The following CPQ variants were observed in gnomAD, a reference collection of about 807,000 sequenced individuals.
CPQ encodes the protein carboxypeptidase Q.
In CPQ, 37 loss-of-function variants were observed where a neutral mutation model predicts 45.7. That is an observed-to-expected ratio of 0.81 (90% CI 0.62 to 1.07). The LOEUF is 1.07. Among genes scored for constraint, CPQ ranks in the 50% least tolerant of loss-of-function variants. CPQ has a pLI of 0.00. For missense variants in CPQ, 537 were observed against 572.9 expected (o/e 0.94, Z 0.64); for synonymous variants, 186 against 205.8 (o/e 0.90, Z 0.82).
At chr8:96,764,248 T>C (rs562427296) in intron 1 of CPQ, among the ~76,000 whole-genome samples, 5 of 152,182 alleles carry the variant, frequency 3.3e-5, no homozygotes, top group Admixed American at 3.3e-4. Flanking sequence ...AAAATAAATA[T>C]GCTGGATGAT....
At chr8:97,045,441 G>A (rs908854678) in intron 6 of CPQ, among the ~76,000 whole-genome samples, 4 of 152,116 alleles carry the variant, frequency 2.6e-5, no homozygotes, top group African/African-American at 4.8e-5. Context: ...TGTGCTTCCC[G>A]AGTGAGGCAA....
At chr8:96,755,673 TTTTA>T (rs1211101278) in intron 1 of CPQ, among the ~76,000 whole-genome samples, 3 of 151,918 alleles carry the variant, frequency 2.0e-5, no homozygotes, top group African/African-American at 7.2e-5. Context: ...TCAAAATAAT[TTTTA>T]TTTATTGTGG....
chr8:96,908,999 A>G (rs891489908), intron 4 of CPQ, among the ~76,000 whole-genome samples: 2 of 152,134 alleles, frequency 1.3e-5, no homozygotes, highest in Admixed American at 6.6e-5. Flanking sequence ...TCAGTGTTCC[A>G]TCTTGGATTT....
At chr8:97,142,906 T>C in intron 7 of CPQ, 114 bp from the exon 8 acceptor site, 1 of 892,264 alleles carries the variant, frequency 1.1e-6, no homozygotes. Flanking sequence ...AAAGTAATTA[T>C]TTTGCTATTG....
At chr8:96,650,982 G>A (rs1815570522) in intron 1 of CPQ, among the ~76,000 whole-genome samples, 1 of 152,164 alleles carries the variant, frequency 6.6e-6, no homozygotes, top group Non-Finnish European at 1.5e-5. Context: ...CAAATATGGG[G>A]TTGACTTAAA....
chr8:96,948,743 G>A (rs1455385960), intron 4 of CPQ, among the ~76,000 whole-genome samples: 7 of 151,992 alleles, frequency 4.6e-5, no homozygotes, highest in East Asian at 1.9e-4. Context: ...GTGTGGTATC[G>A]AAGTTTCCTA....
At chr8:96,900,368 T>C (rs1812498750) in intron 4 of CPQ, among the ~76,000 whole-genome samples, 2 of 152,216 alleles carry the variant, frequency 1.3e-5, no homozygotes, top group African/African-American at 4.8e-5. Flanking sequence ...AGCCATTTTC[T>C]GTTTTGTGGT....
chr8:97,023,725 ATCT>A (rs1809748992), intron 5 of CPQ, among the ~76,000 whole-genome samples: 1 of 152,120 alleles, frequency 6.6e-6, no homozygotes, highest in African/African-American at 2.4e-5. Context: ...CATCTCTTTA[ATCT>A]TCTTTACAGT....
chr8:96,810,904 T>C (rs1348355587), intron 2 of CPQ, among the ~76,000 whole-genome samples: 2 of 152,322 alleles, frequency 1.3e-5, no homozygotes, highest in East Asian at 3.9e-4. Context: ...CTAGAGTTCA[T>C]TGCATCTAGA....
intron 4 of CPQ, among the ~76,000 whole-genome samples, chr8:96,936,822 A>G (rs1406889030): frequency 6.6e-6 from 1 of 152,196 alleles, no homozygotes; most frequent in Non-Finnish European, 1.5e-5. Context: ...GGTTCTCAGT[A>G]AGCATATGAC....
chr8:96,654,893 G>T (rs1321894610), intron 1 of CPQ, among the ~76,000 whole-genome samples: 2 of 150,904 alleles, frequency 1.3e-5, no homozygotes, highest in African/African-American at 4.9e-5. Flanking sequence ...CTTAAATCTT[G>T]GTGCTCACTT....
At chr8:96,917,307 AT>A (rs1473444883) in intron 4 of CPQ, among the ~76,000 whole-genome samples, 2 of 152,090 alleles carry the variant, frequency 1.3e-5, no homozygotes, top group Non-Finnish European at 2.9e-5. Flanking sequence ...ATGAATACTT[AT>A]TCTATAAGTA....
At chr8:96,931,587 A>G (rs974961443) in intron 4 of CPQ, among the ~76,000 whole-genome samples, 1 of 152,128 alleles carries the variant, frequency 6.6e-6, no homozygotes, top group Non-Finnish European at 1.5e-5. Flanking sequence ...GATGACCACT[A>G]TGGTCTTAGC....
chr8:96,748,026 T>C (rs1251644255), intron 1 of CPQ, among the ~76,000 whole-genome samples: 2 of 152,234 alleles, frequency 1.3e-5, no homozygotes, highest in East Asian at 3.8e-4. Context: ...CTTTAGTGAT[T>C]TTAAATTTGC....
intron 1 of CPQ, among the ~76,000 whole-genome samples, chr8:96,689,903 TGA>T (rs1429894440): frequency 7.2e-5 from 11 of 152,190 alleles, no homozygotes; most frequent in Non-Finnish European, 1.3e-4. Context: ...CATTTTATTC[TGA>T]TCACTTTTTA....
At chr8:96,775,544 ATTTTGGGT>A (rs1810594178) in intron 1 of CPQ, among the ~76,000 whole-genome samples, 1 of 152,090 alleles carries the variant, frequency 6.6e-6, no homozygotes, top group Non-Finnish European at 1.5e-5. Context: ...AAGATGACCA[ATTTTGGGT>A]CAAGTTCTGC....
intron 6 of CPQ, among the ~76,000 whole-genome samples, chr8:97,039,720 A>G (rs201304784): frequency 6.6e-6 from 1 of 151,550 alleles, no homozygotes; most frequent in African/African-American, 2.4e-5. Context: ...ACCTATGAGT[A>G]AGAACATGTG....
At chr8:96,852,159 G>T (rs1253497512) in intron 3 of CPQ, among the ~76,000 whole-genome samples, 1 of 152,200 alleles carries the variant, frequency 6.6e-6, no homozygotes, top group African/African-American at 2.4e-5. Flanking sequence ...TCAAAATCAA[G>T]ACTTGGTTAA....
intron 1 of CPQ, among the ~76,000 whole-genome samples, chr8:96,729,421 C>T (rs150420892): frequency 6.6e-6 from 1 of 152,234 alleles, no homozygotes; most frequent in Non-Finnish European, 1.5e-5. Context: ...GAGTGTTTTC[C>T]TATGGAAAGA....
Sources: allele counts gnomAD v4.1 joint callset (sites outside exome capture counted in the v4.1 genomes callset), GRCh38; gene constraint gnomAD v4.1.1; transcripts MANE v1.5; gene names NCBI Gene and HGNC (gene_info 2026-07-23, HGNC 2026-07-21).